Variants in ZNF445 observed in about 807,000 individuals in gnomAD.
The protein encoded by ZNF445 is zinc finger protein 445.
In ZNF445, 19 loss-of-function variants were observed where a neutral mutation model predicts 93.9. The observed-to-expected ratio is 0.20, with a 90% CI of 0.14 to 0.30. The LOEUF is 0.30. Ranked by LOEUF, ZNF445 falls within the 10% of genes least tolerant of loss-of-function variation. ZNF445 has a pLI of 1.00. For synonymous variants in ZNF445, 449 were observed against 446.3 expected (o/e 1.01, Z -0.08); for missense variants, 1,058 against 1,259.4 (o/e 0.84, Z 2.42).
In ZNF445 at chr3:44,443,830, A is replaced by C. The variant is rs1367694806; in HGVS notation, c.*2745T>G. On this transcript the variant is annotated 3_prime_UTR_variant, in exon 8 of 8. Coordinates refer to ENST00000396077, the MANE Select transcript of ZNF445 (RefSeq NM_181489.6). ...AATTTGATTAGAATGTTTAGAAATA[A>C]GCACATTTCATTCTATAAAAATGAC... The C allele has an allele frequency of 1.3e-5, 2 of 151,710 alleles. No homozygotes were observed. Among genetic ancestry groups the C allele is most frequent in the Non-Finnish European group, 2.9e-5 (2 of 67,952 alleles). 9.4% of individuals were successfully genotyped at this position (151,710 alleles called of 1,614,324 possible).
At chr3:44,452,328 GTTT>G (rs1198045949) in intron 3 of ZNF445, among the ~76,000 whole-genome samples, 1 of 149,234 alleles carries the variant, frequency 6.7e-6, no homozygotes, top group South Asian at 2.1e-4. Context: ...TTTATCTCCC[GTTT>G]TTTATTCTTC....
chr3:44,456,570 A>T (rs1698030265), intron 2 of ZNF445, among the ~76,000 whole-genome samples: 1 of 152,242 alleles, frequency 6.6e-6, no homozygotes, highest in African/African-American at 2.4e-5. Context: ...GGAGGAAGAG[A>T]CACATAGGTC....
chr3:44,466,285 C>T (rs973738687), intron 1 of ZNF445, among the ~76,000 whole-genome samples: 3 of 152,290 alleles, frequency 2.0e-5, no homozygotes, highest in African/African-American at 4.8e-5. Context: ...TGCTACTTGA[C>T]AAACTTTCCA....
chr3:44,448,871 A>C, intron 7 of ZNF445, 132 bp from the exon 8 acceptor site: 1 of 1,082,584 alleles, frequency 9.2e-7, no homozygotes, highest in South Asian at 1.7e-5. Context: ...AAAATAGTCA[A>C]ACATAAGGCA....
intron 3 of ZNF445, among the ~76,000 whole-genome samples, chr3:44,451,686 A>G (rs1352463620): frequency 2.6e-5 from 4 of 152,150 alleles, no homozygotes; most frequent in Admixed American, 6.5e-5. Context: ...GGCTCTAATG[A>G]GGGTCATGGG....
chr3:44,468,882 T>TA (rs1170488439), intron 1 of ZNF445, among the ~76,000 whole-genome samples: 1 of 152,090 alleles, frequency 6.6e-6, no homozygotes, highest in African/African-American at 2.4e-5. Flanking sequence ...CTGCGTGAAT[T>TA]ACTCTTTCTC....
Position 44,455,141 on chromosome 3 carries a change from G to C in ZNF445, c.409C>G (p.Leu137Val). 1 of 1,614,090 alleles carries C rather than the reference G, an allele frequency of 6.2e-7. No homozygotes were observed. Among genetic ancestry groups the C allele is most frequent in the African/African-American group, 1.3e-5 (1 of 75,004 alleles). ...VALLEELQRD[L>V]DGTSWRDPGP... The stretch of plus-strand genomic sequence containing the variant: ...CTCACCCTCCAGGATGTCCCATCAA[G>C]GTCCCTCTGCAGCTCCTCCAGCAAG... Residue 137 changes from leucine (L) to valine (V), a missense_variant, in exon 3 of 8, where the codon CTT becomes GTT. Transcript: ENST00000396077.
intron 3 of ZNF445, among the ~76,000 whole-genome samples, chr3:44,453,243 A>T (rs1338678410): frequency 1.3e-5 from 2 of 152,046 alleles, no homozygotes; most frequent in African/African-American, 4.8e-5. Flanking sequence ...TTATGTGTGC[A>T]GAATCATATA....
Position 44,432,273 on chromosome 3 carries a change from C to CTCTG in ZNF445, c.*14301_*14302insCAGA, listed in dbSNP as rs1553610153. The CTCTG allele has an allele frequency of 2.8e-5, 4 of 140,570 alleles. No homozygotes were observed. Among genetic ancestry groups the CTCTG allele is most frequent in the Non-Finnish European group, 6.4e-5 (4 of 62,768 alleles). The allele number at this position is 140,570 out of a possible 1,614,324, so 8.7% of individuals were successfully genotyped here. On this transcript the variant is annotated 3_prime_UTR_variant, in exon 8 of 8. Coordinates refer to ENST00000396077, the MANE Select transcript of ZNF445 (RefSeq NM_181489.6). ...TCTACACTCATTTGTGTGTGTGTGT[C>CTCTG]TGTGTGTGTGTGTGTGTGTGTGTGT...
intron 1 of ZNF445, among the ~76,000 whole-genome samples, chr3:44,461,791 G>A (rs996179020): frequency 6.6e-6 from 1 of 152,226 alleles, no homozygotes; most frequent in Non-Finnish European, 1.5e-5. Context: ...CATGCAGCCT[G>A]TTGGGCAAAT....
rs577198132 is a variant in ZNF445 at position 44,468,088 on chromosome 3, C to T, written c.-269+9503G>A. On this transcript the variant is annotated intron_variant, in intron 1 of 7. Transcript: ENST00000396077. ...AGCCATGAACGCCTGGCCAAGCCTGCGTGAGTACACTCAGACAGTTGCAAA... is the reference window on the plus strand; with the variant it reads ...AGCCATGAACGCCTGGCCAAGCCTGTGTGAGTACACTCAGACAGTTGCAAA... Among the ~76,000 whole-genome samples the T allele has an allele frequency of 2.1e-4, 32 of 152,318 alleles. No homozygotes were observed. In the South Asian group the frequency reaches 6.4e-3, roughly 31 times the overall value.
Position 44,444,973 on chromosome 3 carries a change from A to C in ZNF445, c.*1602T>G, listed in dbSNP as rs1190996884. On this transcript the variant is annotated 3_prime_UTR_variant, in exon 8 of 8. Coordinates refer to ENST00000396077, the MANE Select transcript of ZNF445 (RefSeq NM_181489.6). The stretch of plus-strand genomic sequence containing the variant: ...ATTACTCACATGCTTTAGCAATATC[A>C]CTCCTTTGCCTTTAAGTAATTGATT... The C allele has an allele frequency of 6.6e-6, 1 of 151,982 alleles. No individual in the cohort carries two copies. The highest frequency in any genetic ancestry group is 2.4e-5 in the African/African-American group (1 of 41,346). The allele number at this position is 151,982 out of a possible 1,614,324, so 9.4% of individuals were successfully genotyped here. A position where few individuals can be genotyped will look rare whatever the true frequency, so the allele number is the denominator to read the frequency against.
At position 44,444,993 on chromosome 3, in the gene ZNF445, T is replaced by C. The variant is rs1204568929; in HGVS notation, c.*1582A>G. 4 of 152,364 alleles carry C rather than the reference T, an allele frequency of 2.6e-5. No homozygotes were observed. In the East Asian group the frequency reaches 5.8e-4, roughly 22 times the overall value. 9.4% of individuals were successfully genotyped at this position (152,364 alleles called of 1,614,324 possible). On this transcript the variant is annotated 3_prime_UTR_variant, in exon 8 of 8. Coordinates refer to ENST00000396077, the MANE Select transcript of ZNF445 (RefSeq NM_181489.6). Reference sequence around the variant, plus strand: ...ATATCACTCCTTTGCCTTTAAGTAATTGATTCTTGCTTTTTGCTTCAACAC... The same window carrying C: ...ATATCACTCCTTTGCCTTTAAGTAACTGATTCTTGCTTTTTGCTTCAACAC...
rs1697810130 is a variant in ZNF445, at chr3:44,441,487, C to T, written c.*5088G>A. The T allele has an allele frequency of 1.3e-5, 2 of 152,176 alleles. No homozygotes were observed. The highest frequency in any genetic ancestry group is 4.8e-5 in the African/African-American group (2 of 41,432). The allele number at this position is 152,176 out of a possible 1,614,324, so 9.4% of individuals were successfully genotyped here. A position where few individuals can be genotyped will look rare whatever the true frequency, so the allele number is the denominator to read the frequency against. The stretch of plus-strand genomic sequence containing the variant: ...GTCTCAGCCTTATTTTACCCAGTTC[C>T]CTATTCAAGATGGAGTCACTCTGGT... On this transcript the variant is annotated 3_prime_UTR_variant, in exon 8 of 8. Coordinates refer to ENST00000396077, the MANE Select transcript of ZNF445 (RefSeq NM_181489.6).
intron 1 of ZNF445, among the ~76,000 whole-genome samples, chr3:44,465,814 T>C (rs1202968226): frequency 6.6e-6 from 1 of 152,154 alleles, no homozygotes. Context: ...CTCTGGAGGC[T>C]GAGGCAAGCA....
chr3:44,440,527 G>C lies in ZNF445; in HGVS notation c.*6048C>G, dbSNP rs1355851041. ...CATCCTCATTTTTAAAAAAACTGTG[G>C]CCTGGTATTTCATCATAGATGTACT... On this transcript the variant is annotated 3_prime_UTR_variant, in exon 8 of 8. Transcript: ENST00000396077. 1 of 152,094 alleles carries C rather than the reference G, an allele frequency of 6.6e-6. No individual in the cohort carries two copies. The highest frequency in any genetic ancestry group is 2.4e-5 in the African/African-American group (1 of 41,404). 9.4% of individuals were successfully genotyped at this position (152,094 alleles called of 1,614,324 possible).
chr3:44,458,079 C>T (rs183756131), intron 2 of ZNF445, among the ~76,000 whole-genome samples, 165 bp downstream of exon 2: 2 of 141,852 alleles, frequency 1.4e-5, no homozygotes, highest in Admixed American at 1.4e-4. Flanking sequence ...TTTTAGAAAA[C>T]AATCCAGGAG....
chr3:44,450,953 G>A lies in ZNF445; in HGVS notation c.608C>T (p.Ala203Val), dbSNP rs375016938. 4.4e-6 allele frequency: 7 copies of A among 1,592,294 alleles called. No homozygotes were observed. The African/African-American group carries it at 9.4e-5, about 21-fold the overall frequency. Residue 203 changes from alanine to valine, a missense_variant, in exon 5 of 8, where the codon GCT (alanine) becomes GTT (valine). By Grantham distance (64) the Ala-to-Val change is moderately conservative. Coordinates refer to ENST00000396077, the MANE Select transcript of ZNF445 (RefSeq NM_181489.6). Reference sequence around the variant, plus strand: ...CGGGAAAAGGGCAGGCATCTGGGCAGCAGGAGTATCTGAAGGAGAAAAAGC... The same window carrying A: ...CGGGAAAAGGGCAGGCATCTGGGCAACAGGAGTATCTGAAGGAGAAAAAGC... ...DFLAGQSDTPAAQMPALFPRE... is the reference protein window; with the variant it reads ...DFLAGQSDTPVAQMPALFPRE...
chr3:44,457,180 G>A (rs1346475953), intron 2 of ZNF445, among the ~76,000 whole-genome samples: 1 of 152,140 alleles, frequency 6.6e-6, no homozygotes, highest in Non-Finnish European at 1.5e-5. Context: ...CTGAAGGAAT[G>A]TTTGTTTCTT....
Sources: allele counts gnomAD v4.1 joint callset (sites outside exome capture counted in the v4.1 genomes callset), GRCh38; gene constraint gnomAD v4.1.1; transcripts MANE v1.5; gene names NCBI Gene and HGNC (gene_info 2026-07-23, HGNC 2026-07-21).